Variants in EPB41L4A observed in about 807,000 individuals in gnomAD.
The protein encoded by EPB41L4A is band 4.1-like protein 4A.
A neutral mutation model predicts 108.6 loss-of-function variants in EPB41L4A; 100 were observed. The observed-to-expected ratio is 0.92, with a 90% confidence interval of 0.78 to 1.09. EPB41L4A has a LOEUF of 1.09. EPB41L4A is among the 50% of genes least tolerant of loss of function. EPB41L4A has a pLI of 0.00. For missense variants in EPB41L4A, 1,030 were observed against 842.7 expected, an observed-to-expected ratio of 1.22 and a Z score of -2.75; for synonymous variants, 319 against 289.0, an observed-to-expected ratio of 1.10 and a Z score of -1.05.
intron 2 of EPB41L4A, among the ~76,000 whole-genome samples, chr5:112,294,964 T>C (rs1011473232): frequency 6.6e-6 from 1 of 152,126 alleles, no homozygotes; most frequent in Admixed American, 6.5e-5. Context: ...GGGAAAACAC[T>C]GGAGGGAGTA....
intron 17 of EPB41L4A, among the ~76,000 whole-genome samples, chr5:112,187,377 A>G (rs1761481371): frequency 6.6e-6 from 1 of 152,196 alleles, no homozygotes; most frequent in Non-Finnish European, 1.5e-5. Flanking sequence ...TTTTTCAGTT[A>G]ATGTATAAGG....
At chr5:112,207,396 A>G (rs1452525948) in intron 13 of EPB41L4A, among the ~76,000 whole-genome samples, 1 of 152,138 alleles carries the variant, frequency 6.6e-6, no homozygotes, top group East Asian at 1.9e-4. Context: ...CTAAGTCCCC[A>G]AAAGCAATTG....
At position 112,210,007 on chromosome 5, in the gene EPB41L4A, TG is replaced by T. The variant is rs745501490; in HGVS notation, c.1088-26del. On this transcript the variant is annotated intron_variant, in intron 12 of 22. Coordinates refer to ENST00000261486, the MANE Select transcript of EPB41L4A (RefSeq NM_022140.5). ...TCTAGCAGAGGAGGAGAAGGAAAGATGGAAGAGAGAGGAAACAGTGATAAGG... is the reference window on the plus strand; with the variant it reads ...TCTAGCAGAGGAGGAGAAGGAAAGATGAAGAGAGAGGAAACAGTGATAAGG... The T allele has an allele frequency of 2.1e-5, 29 of 1,357,292 alleles. 1 individual carries two copies. In the Middle Eastern group the frequency reaches 5.4e-4, roughly 25 times the overall value. 84.1% of individuals were successfully genotyped at this position (1,357,292 alleles called of 1,614,324 possible). A position where few individuals can be genotyped will look rare whatever the true frequency, so the allele number is the denominator to read the frequency against.
At chr5:112,411,411 T>C (rs1217839836) in intron 1 of EPB41L4A, among the ~76,000 whole-genome samples, 1 of 152,192 alleles carries the variant, frequency 6.6e-6, no homozygotes, top group Non-Finnish European at 1.5e-5. Flanking sequence ...GGAGAACCTG[T>C]GCAACCTTAG....
intron 1 of EPB41L4A, among the ~76,000 whole-genome samples, chr5:112,308,116 T>C (rs1170700376): frequency 2.6e-5 from 4 of 152,170 alleles, no homozygotes; most frequent in Non-Finnish European, 5.9e-5. Context: ...GCTAATCTCT[T>C]CTCTCCCCAC....
At chr5:112,201,078 T>C (rs1044323532) in intron 15 of EPB41L4A, among the ~76,000 whole-genome samples, 16 of 152,212 alleles carry the variant, frequency 1.1e-4, no homozygotes, top group African/African-American at 3.9e-4. Flanking sequence ...GCAAGGTAAA[T>C]ATGTGTGAAG....
At chr5:112,169,898 T>C (rs1258539898) in intron 20 of EPB41L4A, 5 of 192,678 alleles carry the variant, frequency 2.6e-5, no homozygotes, top group Non-Finnish European at 5.2e-5. Flanking sequence ...CCTGCTGTGC[T>C]TTCACGAAGC....
chr5:112,405,030 G>C (rs1761998216), intron 1 of EPB41L4A, among the ~76,000 whole-genome samples: 1 of 152,172 alleles, frequency 6.6e-6, no homozygotes, highest in Non-Finnish European at 1.5e-5. Flanking sequence ...GGGAGCCCTT[G>C]TTTTCATACC....
At chr5:112,213,131 A>G (rs1204763296) in intron 12 of EPB41L4A, among the ~76,000 whole-genome samples, 1 of 152,200 alleles carries the variant, frequency 6.6e-6, no homozygotes, top group Non-Finnish European at 1.5e-5. Context: ...AAATCATGTG[A>G]GTGCTCTTTG....
At chr5:112,402,569 A>T (rs1761836439) in intron 1 of EPB41L4A, among the ~76,000 whole-genome samples, 1 of 152,172 alleles carries the variant, frequency 6.6e-6, no homozygotes. Context: ...CATGGACCTT[A>T]AAACAAAAAA....
chr5:112,199,134 TGTAA>T (rs1762101658), intron 15 of EPB41L4A, among the ~76,000 whole-genome samples: 1 of 152,208 alleles, frequency 6.6e-6, no homozygotes, highest in Admixed American at 6.5e-5. Flanking sequence ...AGTAAGTATA[TGTAA>T]GTCTTTTCTC....
upstream of EPB41L4A, chr5:112,419,739 A>G (rs1305774510): frequency 2.2e-6 from 1 of 456,624 alleles, no homozygotes; most frequent in African/African-American, 2.0e-5. Flanking sequence ...GAGAGGCGGA[A>G]AGGGCAGCAG....
Position 112,347,825 on chromosome 5 carries a change from T to C in EPB41L4A, c.100-40335A>G, listed in dbSNP as rs140912442. 1.4e-3 allele frequency among the ~76,000 whole-genome samples: 206 copies of C among 152,224 alleles called. 1 individual carries two copies. Among genetic ancestry groups the C allele is most frequent in the African/African-American group, 4.5e-3 (188 of 41,522 alleles). ...GCACTCTAAAGACAAAGCTTCAGCA[T>C]TACCACTCTCCGGTCCAGCTACCCA... On this transcript the variant is annotated intron_variant, in intron 1 of 22. Coordinates refer to ENST00000261486, the MANE Select transcript of EPB41L4A (RefSeq NM_022140.5).
At chr5:112,180,657 TAAA>T (rs34598344) in intron 18 of EPB41L4A, among the ~76,000 whole-genome samples, 2 of 123,430 alleles carry the variant, frequency 1.6e-5, no homozygotes, top group Admixed American at 8.1e-5. Flanking sequence ...CCCTTAAGAT[TAAA>T]AAAAAAAAAA....
intron 1 of EPB41L4A, among the ~76,000 whole-genome samples, chr5:112,414,855 G>T (rs944879708): frequency 6.6e-6 from 1 of 152,088 alleles, no homozygotes; most frequent in Admixed American, 6.6e-5. Context: ...TAGAAAACTG[G>T]ATGTAGTTAT....
chr5:112,377,063 G>T (rs111710409), intron 1 of EPB41L4A, among the ~76,000 whole-genome samples: 5,110 of 152,024 alleles, frequency 0.034, 153 homozygotes, highest in African/African-American at 0.078. Context: ...AAATTAGCCA[G>T]GCACTGTGTC....
intron 2 of EPB41L4A, among the ~76,000 whole-genome samples, chr5:112,298,061 G>A (rs1580633889): frequency 2.6e-5 from 4 of 152,086 alleles, no homozygotes; most frequent in East Asian, 1.9e-4. Context: ...CAGGTAATAT[G>A]ATGCCTCCAG....
rs534947286 is a variant in EPB41L4A, at chr5:112,144,388, T to A, written n.1113-508A>T. 2.0e-5 allele frequency among the ~76,000 whole-genome samples: 3 copies of A among 152,246 alleles called. No individual in the cohort carries two copies. The South Asian group carries it at 6.2e-4, about 32-fold the overall frequency. ...CAACCTTGACCTCCCAGGGCTTAGA[T>A]GATCCTCCCACCTCAGTTTCCCAAG... On this transcript the variant is annotated intron_variant and non_coding_transcript_variant, in intron 13 of 13. Transcript: ENST00000507810.
At chr5:112,229,987 C>CAAAAAA (rs71224877) in intron 12 of EPB41L4A, among the ~76,000 whole-genome samples, 3 of 77,228 alleles carry the variant, frequency 3.9e-5, no homozygotes, top group Non-Finnish European at 5.3e-5. Context: ...GACTCTGTCT[C>CAAAAAA]AAAAAAAAAA....
Sources: gnomAD v4.1 joint callset for allele counts (sites outside exome capture counted in the v4.1 genomes callset) on GRCh38, gnomAD v4.1.1 for gene constraint, MANE v1.5 for transcripts, NCBI Gene and HGNC (gene_info 2026-07-23, HGNC 2026-07-21) for gene names.